SLA: variants seen among roughly 807,000 people sequenced by gnomAD.
SLA encodes src-like-adapter.
Under a neutral mutation model 30.3 loss-of-function variants are expected in SLA, and 16 were observed. The observed-to-expected ratio is 0.53, with a 90% CI of 0.36 to 0.80. The LOEUF is 0.80. SLA is among the 30% of genes least tolerant of loss of function. SLA has a pLI of 0.01. For synonymous variants in SLA, 143 were observed against 137.8 expected (o/e 1.04, Z -0.26); for missense variants, 310 against 345.2 (o/e 0.90, Z 0.81).
chr8:133,057,745 T>C (rs920848436), intron 3 of SLA, among the ~76,000 whole-genome samples: 4 of 144,110 alleles, frequency 2.8e-5, no homozygotes, highest in Admixed American at 1.4e-4. Flanking sequence ...AAGAATATTC[T>C]GGAAATCTTA....
intron 2 of SLA, among the ~76,000 whole-genome samples, chr8:133,068,130 C>T (rs952936372): frequency 2.6e-5 from 4 of 152,202 alleles, no homozygotes; most frequent in African/African-American, 9.6e-5. Flanking sequence ...TCAACACTCT[C>T]ACAGGACAAG....
chr8:133,048,860 C>A (rs1370454345), intron 5 of SLA: 1 of 184,820 alleles, frequency 5.4e-6, no homozygotes, highest in Admixed American at 5.6e-5. Flanking sequence ...AAATTAAACT[C>A]GCAGAATTCC....
chr8:133,051,453 C>G (rs182656254), intron 3 of SLA, among the ~76,000 whole-genome samples: 1 of 152,180 alleles, frequency 6.6e-6, no homozygotes, highest in Admixed American at 6.5e-5. Flanking sequence ...GTTCTGAGGA[C>G]CCATTAGGAC....
At chr8:133,056,998 T>TAA in intron 3 of SLA, among the ~76,000 whole-genome samples, 1 of 152,172 alleles carries the variant, frequency 6.6e-6, no homozygotes, top group Non-Finnish European at 1.5e-5. Flanking sequence ...CCCAGGGGAT[T>TAA]CTGATGCAGG....
At chr8:133,077,399 T>C (rs1234120284) in intron 1 of SLA, among the ~76,000 whole-genome samples, 2 of 152,128 alleles carry the variant, frequency 1.3e-5, no homozygotes, top group African/African-American at 4.8e-5. Flanking sequence ...AGTGGGTCAT[T>C]GGGTGACTGA....
chr8:133,099,316 C>T (rs1564190400), intron 1 of SLA, among the ~76,000 whole-genome samples: 1 of 152,254 alleles, frequency 6.6e-6, no homozygotes, highest in Non-Finnish European at 1.5e-5. Flanking sequence ...TTGGGACACG[C>T]ATTAGTGAAG....
intron 1 of SLA, among the ~76,000 whole-genome samples, chr8:133,087,566 A>G (rs928615780): frequency 3.9e-5 from 6 of 152,216 alleles, no homozygotes; most frequent in African/African-American, 1.2e-4. Flanking sequence ...TTCCATTTTG[A>G]CAAGGATCAG....
chr8:133,043,950 A>T (rs1432243209), intron 7 of SLA, among the ~76,000 whole-genome samples: 5 of 152,286 alleles, frequency 3.3e-5, no homozygotes, highest in African/African-American at 1.2e-4. Context: ...GCTGGGTAAA[A>T]GTGGCTGGCA....
intron 2 of SLA, among the ~76,000 whole-genome samples, chr8:133,065,768 T>C (rs1445900385): frequency 1.3e-5 from 2 of 150,692 alleles, no homozygotes; most frequent in Non-Finnish European, 3.0e-5. Context: ...GTCTCAAAAA[T>C]AATAAAATAA....
rs550444722 is a variant in SLA at position 133,097,818 on chromosome 8, C to T, written c.-319+4735G>A. Among the ~76,000 whole-genome samples the T allele has an allele frequency of 4.6e-5, 7 of 151,988 alleles. No individual in the cohort carries two copies. The East Asian group carries it at 5.8e-4, about 13-fold the overall frequency. On this transcript the variant is annotated intron_variant, in intron 1 of 8. Transcript: ENST00000338087. ...TACATATTATATATATTTATGTGTGCGTGTGTATGTAGAGAGAGAGAAAGA... is the reference window on the plus strand; with the variant it reads ...TACATATTATATATATTTATGTGTGTGTGTGTATGTAGAGAGAGAGAAAGA...
At chr8:133,060,333 G>A (rs1344757497) in intron 2 of SLA, 133 bp from the exon 3 acceptor site, 1 of 1,552,888 alleles carries the variant, frequency 6.4e-7, no homozygotes, top group African/African-American at 1.4e-5. Flanking sequence ...GTTTATATGT[G>A]AAGATGAGAT....
At chr8:133,094,891 T>C in intron 1 of SLA, 1 of 987,084 alleles carries the variant, frequency 1.0e-6, no homozygotes, top group Non-Finnish European at 1.6e-6. Flanking sequence ...TGACCAATCC[T>C]TATCTTCCCA....
At chr8:133,068,169 G>A (rs375032659) in intron 2 of SLA, among the ~76,000 whole-genome samples, 17 of 152,334 alleles carry the variant, frequency 1.1e-4, no homozygotes, top group East Asian at 3.9e-4. Context: ...CAAGCAATCT[G>A]CTCAAGGTCA....
At chr8:133,048,016 G>T in intron 5 of SLA, 83 bp from the exon 6 acceptor site, 1 of 760,098 alleles carries the variant, frequency 1.3e-6, no homozygotes, top group Non-Finnish European at 2.2e-6. Flanking sequence ...ACCGTACTAA[G>T]CACCTGAAAC....
At chr8:133,102,295 C>T (rs1849357138) in intron 1 of SLA, 1 of 425,936 alleles carries the variant, frequency 2.3e-6, no homozygotes. Context: ...TAAGTATCAG[C>T]TGGATCCCAG....
chr8:133,064,937 C>G (rs1487333618), intron 2 of SLA, among the ~76,000 whole-genome samples: 2 of 152,158 alleles, frequency 1.3e-5, no homozygotes, highest in African/African-American at 4.8e-5. Flanking sequence ...GAAGTCCAAC[C>G]AAGGGAAGGC....
Position 133,045,131 on chromosome 8 carries a change from G to A in SLA, c.353-16C>T, listed in dbSNP as rs1323492453. On this transcript the variant is annotated splice_polypyrimidine_tract_variant and intron_variant, in intron 6 of 8. Coordinates refer to ENST00000338087, the MANE Select transcript of SLA (RefSeq NM_001045556.3). ...GAGTAAAACCCTGCAGGAGGTGGAG[G>A]ATAAGTCAGTGGGCTCCACCTGTCC... is the stretch of plus-strand genomic sequence containing the variant. 3 of 1,613,774 alleles carry A rather than the reference G, an allele frequency of 1.9e-6. No homozygotes were observed. The highest frequency in any genetic ancestry group is 3.3e-5 in the Admixed American group (2 of 60,008).
intron 6 of SLA, 52 bp from the exon 7 acceptor site, chr8:133,045,167 G>A (rs750139571): frequency 6.2e-7 from 1 of 1,605,122 alleles, no homozygotes; most frequent in South Asian, 1.1e-5. Context: ...TCACCCCAAG[G>A]CACCCAGCTA....
At chr8:133,075,277 T>A in intron 1 of SLA, 147 bp from the exon 2 acceptor site, 1 of 275,086 alleles carries the variant, frequency 3.6e-6, no homozygotes, top group Non-Finnish European at 5.5e-6. Context: ...CTCTTGTACA[T>A]CCCCAGAACT....
Sources: allele counts gnomAD v4.1 joint callset (sites outside exome capture counted in the v4.1 genomes callset), GRCh38; gene constraint gnomAD v4.1.1; transcripts MANE v1.5; gene names NCBI Gene and HGNC (gene_info 2026-07-23, HGNC 2026-07-21).